PICALM: variants seen among roughly 807,000 people sequenced by gnomAD.
PICALM encodes the protein phosphatidylinositol-binding clathrin assembly protein.
Under a neutral mutation model 80.5 loss-of-function variants are expected in PICALM, and 40 were observed. The ratio of observed to expected loss-of-function variants is 0.50; its 90% CI spans 0.39 to 0.65. The LOEUF (loss-of-function observed/expected upper bound fraction) is 0.65, where lower values mean the gene tolerates loss of function less well. Among genes scored for constraint, PICALM ranks in the 30% least tolerant of loss-of-function variants. PICALM has a pLI of 0.00. For synonymous variants in PICALM, 288 were observed against 260.3 expected (o/e 1.11, Z -1.02); for missense variants, 676 against 778.9 (o/e 0.87, Z 1.57).
At chr11:85,965,924 C>G (rs2093878244) in intron 19 of PICALM, among the ~76,000 whole-genome samples, 1 of 145,352 alleles carries the variant, frequency 6.9e-6, no homozygotes. Context: ...TTCAGCAATT[C>G]TCCTGCCTCA....
chr11:86,055,781 A>T (rs2096259306), intron 1 of PICALM, among the ~76,000 whole-genome samples: 1 of 152,224 alleles, frequency 6.6e-6, no homozygotes, highest in African/African-American at 2.4e-5. Context: ...AGAGTTGTAA[A>T]GGTGCATAAC....
intron 13 of PICALM, among the ~76,000 whole-genome samples, chr11:85,989,984 A>G (rs1175655235): frequency 6.8e-6 from 1 of 147,982 alleles, no homozygotes; most frequent in Non-Finnish European, 1.5e-5. Flanking sequence ...GTATTGCACT[A>G]TAACACGACA....
chr11:86,045,628 T>C (rs1301044381), intron 1 of PICALM, among the ~76,000 whole-genome samples: 1 of 151,876 alleles, frequency 6.6e-6, no homozygotes, highest in Non-Finnish European at 1.5e-5. Flanking sequence ...CAAATGTCTT[T>C]CTTAAAAGGA....
intron 13 of PICALM, among the ~76,000 whole-genome samples, chr11:85,985,761 C>T (rs991267403): frequency 2.6e-5 from 4 of 152,176 alleles, no homozygotes; most frequent in African/African-American, 7.2e-5. Context: ...GTAAGTAGTA[C>T]AAACAATGTT....
intron 1 of PICALM, among the ~76,000 whole-genome samples, chr11:86,049,539 C>G (rs1481746514): frequency 6.6e-5 from 10 of 151,924 alleles, no homozygotes; most frequent in Non-Finnish European, 4.4e-5. Flanking sequence ...AATTCATTTT[C>G]TTTTATTTTC....
chr11:85,984,752 C>A (rs1421544796), intron 13 of PICALM, among the ~76,000 whole-genome samples: 1 of 152,052 alleles, frequency 6.6e-6, no homozygotes, highest in Admixed American at 6.6e-5. Context: ...ATTACACAGA[C>A]AATAAGCTCA....
chr11:86,029,187 C>T (rs977808416), intron 2 of PICALM, among the ~76,000 whole-genome samples: 3 of 151,952 alleles, frequency 2.0e-5, no homozygotes, highest in African/African-American at 7.3e-5. Flanking sequence ...TGGCCTTTAC[C>T]TACTATATAC....
intron 19 of PICALM, among the ~76,000 whole-genome samples, chr11:85,963,945 T>C (rs965484660): frequency 6.8e-6 from 1 of 147,094 alleles, no homozygotes; most frequent in Admixed American, 6.8e-5. Flanking sequence ...TTTTTTTTTA[T>C]TAAAGTTAAG....
At chr11:85,965,202 G>A (rs532057705) in intron 19 of PICALM, among the ~76,000 whole-genome samples, 2 of 152,094 alleles carry the variant, frequency 1.3e-5, no homozygotes, top group East Asian at 1.9e-4. Flanking sequence ...TCTGCCTGCC[G>A]TGTGATACCT....
rs768911874 is a variant in PICALM, at chr11:85,996,819, T to C, written c.1258+7A>G. 3 of 1,506,632 alleles carry C rather than the reference T, an allele frequency of 2.0e-6. No individual in the cohort carries two copies. The highest frequency in any genetic ancestry group is 2.8e-6 in the Non-Finnish European group (3 of 1,083,100). The allele number at this position is 1,506,632 out of a possible 1,614,324, so 93.3% of individuals were successfully genotyped here. A position where few individuals can be genotyped will look rare whatever the true frequency, so the allele number is the denominator to read the frequency against. On this transcript the variant is annotated splice_region_variant and intron_variant, in intron 12 of 19. Coordinates refer to ENST00000393346, the MANE Select transcript of PICALM (RefSeq NM_007166.4). ...TAACATCTAAAATAGAATTCATCAATGCTTACCTCCCCATGTACTTGCTAC... is the reference window on the plus strand; with the variant it reads ...TAACATCTAAAATAGAATTCATCAACGCTTACCTCCCCATGTACTTGCTAC...
intron 7 of PICALM, among the ~76,000 whole-genome samples, chr11:86,008,245 C>A (rs1053620399): frequency 2.0e-5 from 3 of 152,188 alleles, no homozygotes; most frequent in African/African-American, 7.2e-5. Flanking sequence ...TATTTTCTGT[C>A]CCGTGGCTGT....
chr11:85,979,271 C>T (rs966544751), intron 17 of PICALM, among the ~76,000 whole-genome samples: 1 of 152,084 alleles, frequency 6.6e-6, no homozygotes, highest in African/African-American at 2.4e-5. Flanking sequence ...GGGTGGATCA[C>T]TTGAGGTCAG....
At chr11:85,986,328 C>T (rs951244273) in intron 13 of PICALM, among the ~76,000 whole-genome samples, 5 of 141,808 alleles carry the variant, frequency 3.5e-5, no homozygotes, top group Non-Finnish European at 7.6e-5. Flanking sequence ...TGCACATTAT[C>T]GACTTTTTGT....
intron 1 of PICALM, among the ~76,000 whole-genome samples, chr11:86,038,562 C>A (rs1025297939): frequency 6.6e-6 from 1 of 151,960 alleles, no homozygotes; most frequent in Non-Finnish European, 1.5e-5. Context: ...GCGGGTGGAT[C>A]ATGAGGTCAG....
intron 14 of PICALM, 51 bp from the exon 15 acceptor site, chr11:85,982,054 T>C: frequency 1.9e-6 from 3 of 1,557,374 alleles, no homozygotes; most frequent in Non-Finnish European, 8.8e-7. Context: ...TTTATGACGC[T>C]ATGGTTTTCT....
At chr11:86,066,821 T>C (rs1216779155) in intron 1 of PICALM, among the ~76,000 whole-genome samples, 1 of 151,606 alleles carries the variant, frequency 6.6e-6, no homozygotes. Context: ...ACTGTAAGAT[T>C]TGGTAGGGCA....
Position 86,001,088 on chromosome 11 carries a change from T to C in PICALM, c.964A>G (p.Arg322Gly). ...TGLSLTKVDEREKQAALEEEQ... is the reference protein window; with the variant it reads ...TGLSLTKVDEGEKQAALEEEQ... Reference sequence around the variant, plus strand: ...TCCTCTAATGCTGCCTGCTTTTCCCTTTCATCCACTTTGGTCAGAGATAGA... The same window carrying C: ...TCCTCTAATGCTGCCTGCTTTTCCCCTTCATCCACTTTGGTCAGAGATAGA... Residue 322 changes from arginine to glycine, a missense_variant, in exon 10 of 20, where the codon AGG (arginine) becomes GGG (glycine). By Grantham distance (125) the Arg-to-Gly change is moderately radical. Coordinates refer to ENST00000393346, the MANE Select transcript of PICALM (RefSeq NM_007166.4). 6.2e-7 allele frequency: 1 copy of C among 1,614,126 alleles called. No homozygotes were observed.
rs11820972 is a variant in PICALM at position 86,035,980 on chromosome 11, A to C, written c.131-4369T>G. ...AAAAAAAAAAAGAAAAAAAAAGAAA[A>C]TTGGAGATAAAATTAATATGGAAGG... On this transcript the variant is annotated intron_variant, in intron 1 of 19. Transcript: ENST00000393346. Among the ~76,000 whole-genome samples the C allele has an allele frequency of 7.2e-3, 1,085 of 151,728 alleles. 12 individuals carry two copies. Among genetic ancestry groups the C allele is most frequent in the African/African-American group, 0.025 (1,045 of 41,396 alleles).
At chr11:86,011,366 C>T (rs1448363276) in intron 6 of PICALM, among the ~76,000 whole-genome samples, 1 of 152,160 alleles carries the variant, frequency 6.6e-6, no homozygotes, top group East Asian at 1.9e-4. Flanking sequence ...CTAGTTTGTG[C>T]CATAGTACTT....
Sources: allele counts gnomAD v4.1 joint callset (sites outside exome capture counted in the v4.1 genomes callset), GRCh38; gene constraint gnomAD v4.1.1; transcripts MANE v1.5; gene names NCBI Gene and HGNC (gene_info 2026-07-23, HGNC 2026-07-21).